ADGRG4: variants seen among roughly 807,000 people sequenced by gnomAD.
The protein encoded by ADGRG4 is adhesion G protein-coupled receptor G4.
A neutral mutation model predicts 126.2 loss-of-function variants in ADGRG4; 122 were observed. The ratio of observed to expected loss-of-function variants is 0.97; its 90% CI spans 0.83 to 1.12. The LOEUF (loss-of-function observed/expected upper bound fraction) is 1.12. Among genes scored for constraint, ADGRG4 ranks in the 50% most tolerant of loss-of-function variants. The pLI is 0.00. For synonymous variants in ADGRG4, 943 were observed against 838.7 expected, an observed-to-expected ratio of 1.12 and a Z score of -2.15; for missense variants, 2,481 against 2,251.8, an observed-to-expected ratio of 1.10 and a Z score of -2.06.
At position 136,338,501 on chromosome X, in the gene ADGRG4, G is replaced by A. The variant is rs57016973; in HGVS notation, c.686-5891G>A. Among the ~76,000 whole-genome samples the A allele has an allele frequency of 2.7e-3, 303 of 111,578 alleles. 1 individual carries two copies. Among genetic ancestry groups the A allele is most frequent in the African/African-American group, 9.6e-3 (295 of 30,729 alleles). On this transcript the variant is annotated intron_variant, in intron 5 of 25. Coordinates refer to ENST00000394143, the MANE Select transcript of ADGRG4 (RefSeq NM_153834.4). ...TTTTAAGTTCAGGATTTGCAGATTTGTTACCTAGGTAAATGTGTGCCATGG... is the reference window on the plus strand; with the variant it reads ...TTTTAAGTTCAGGATTTGCAGATTTATTACCTAGGTAAATGTGTGCCATGG...
intron 13 of ADGRG4, among the ~76,000 whole-genome samples, chrX:136,366,784 T>C (rs1405957824): frequency 1.8e-5 from 2 of 112,158 alleles, no homozygotes; most frequent in East Asian, 5.6e-4. Context: ...CTTAATGACA[T>C]ATGATGATGA....
At chrX:136,353,490 G>A (rs1208376115) in intron 8 of ADGRG4, 89 bp downstream of exon 8, 87 of 616,374 alleles carry the variant, frequency 1.4e-4, no homozygotes, top group Non-Finnish European at 1.6e-5. Flanking sequence ...CTATGTTTAT[G>A]TCTGAGATTT....
intron 15 of ADGRG4, among the ~76,000 whole-genome samples, chrX:136,378,379 G>A (rs1018378077): frequency 3.6e-5 from 4 of 111,233 alleles, no homozygotes; most frequent in Non-Finnish European, 7.6e-5. Flanking sequence ...ATTGCTTCTA[G>A]TAATTGTTTT....
intron 24 of ADGRG4, 111 bp downstream of exon 24, chrX:136,412,477 G>C: frequency 2.0e-6 from 1 of 507,460 alleles, no homozygotes; most frequent in Admixed American, 3.0e-5. Flanking sequence ...CAAAACACAG[G>C]CTGTTTCCAT....
intron 15 of ADGRG4, among the ~76,000 whole-genome samples, chrX:136,377,191 TG>T (rs1322610561): frequency 5.0e-4 from 32 of 64,228 alleles, no homozygotes; most frequent in African/African-American, 1.5e-3. Flanking sequence ...TTTTTTTTTT[TG>T]TTGTTGTTGT....
intron 25 of ADGRG4, among the ~76,000 whole-genome samples, chrX:136,415,350 G>A (rs1197416478): frequency 1.8e-5 from 2 of 111,885 alleles, no homozygotes; most frequent in Non-Finnish European, 3.8e-5. Flanking sequence ...TTCCAGCTCT[G>A]TCAGTCACTC....
chrX:136,373,693 G>T (rs912414872), intron 15 of ADGRG4, among the ~76,000 whole-genome samples: 2 of 111,584 alleles, frequency 1.8e-5, no homozygotes, highest in Non-Finnish European at 3.8e-5. Flanking sequence ...TTGGCCAGGT[G>T]CAGTGCCACA....
At chrX:136,380,753 C>A (rs1279082024) in intron 15 of ADGRG4, among the ~76,000 whole-genome samples, 1 of 106,254 alleles carries the variant, frequency 9.4e-6, no homozygotes, top group African/African-American at 3.4e-5. Flanking sequence ...TCTCTGTCAC[C>A]CAGGCTGGAG....
chrX:136,416,547 A>T lies in ADGRG4; in HGVS notation c.*56A>T, dbSNP rs1172243941. ...GAATATAATACCTGTGGAAATAAAA[A>T]TGAATTCCAAGTGTATACTTGCTCG... On this transcript the variant is annotated 3_prime_UTR_variant, in exon 26 of 26. Coordinates refer to ENST00000394143, the MANE Select transcript of ADGRG4 (RefSeq NM_153834.4). 5 of 976,430 alleles carry T rather than the reference A, an allele frequency of 5.1e-6. No homozygotes were observed. Among genetic ancestry groups the T allele is most frequent in the Non-Finnish European group, 7.2e-6 (5 of 691,994 alleles). The allele number at this position is 976,430 out of a possible 1,213,427, so 80.5% of individuals were successfully genotyped here.
chrX:136,381,027 T>G (rs1170550189), intron 15 of ADGRG4, among the ~76,000 whole-genome samples: 1 of 110,394 alleles, frequency 9.1e-6, no homozygotes, highest in Non-Finnish European at 1.9e-5. Flanking sequence ...CTGTCTAGCT[T>G]CTTAATGTGG....
Position 136,416,497 on chromosome X carries a change from G to A in ADGRG4, c.*6G>A, listed in dbSNP as rs1230735874. ...CTTACTGTTCCTCTCCTTGATTTGT[G>A]AAGTTGTGCCTAATTATGTAAAAAG... is the stretch of plus-strand genomic sequence containing the variant. On this transcript the variant is annotated 3_prime_UTR_variant, in exon 26 of 26. Coordinates refer to ENST00000394143, the MANE Select transcript of ADGRG4 (RefSeq NM_153834.4). 2 of 1,173,747 alleles carry A rather than the reference G, an allele frequency of 1.7e-6. No individual in the cohort carries two copies. Among genetic ancestry groups the A allele is most frequent in the Non-Finnish European group, 2.3e-6 (2 of 863,841 alleles).
rs757294755 is a variant in ADGRG4, at chrX:136,348,825, T to C, written c.5119T>C (p.Ser1707Pro). 8.3e-7 allele frequency: 1 copy of C among 1,209,408 alleles called. No individual in the cohort carries two copies. The highest frequency in any genetic ancestry group is 1.8e-5 in the South Asian group (1 of 56,880). ...ATTTCTATCAGCAACTCAACAGTCA[T>C]CACAAGCAGATGAGGCTACAACTTT... is the stretch of plus-strand genomic sequence containing the variant. ...SPFLSATQQS[S>P]QADEATTLGI... Residue 1707 changes from serine to proline, a missense_variant, in exon 6 of 26, where the codon TCA (serine) becomes CCA (proline). Coordinates refer to ENST00000394143, the MANE Select transcript of ADGRG4 (RefSeq NM_153834.4).
chrX:136,382,897 A>T (rs1480042471), intron 15 of ADGRG4, among the ~76,000 whole-genome samples: 1 of 109,858 alleles, frequency 9.1e-6, no homozygotes, highest in Non-Finnish European at 1.9e-5. Flanking sequence ...TGGAACTAAG[A>T]CCTCTAGGCC....
intron 22 of ADGRG4, among the ~76,000 whole-genome samples, chrX:136,404,591 G>C (rs759382691): frequency 2.7e-5 from 3 of 111,554 alleles, no homozygotes; most frequent in African/African-American, 9.8e-5. Context: ...TATTACCAAC[G>C]ATCAAATTTG....
At position 136,344,796 on chromosome X, in the gene ADGRG4, A is replaced by G. The variant is rs775240661; in HGVS notation, c.1090A>G (p.Ile364Val). ...TKMVEAMATEIFQPPTPSNFL... is the reference protein window; with the variant it reads ...TKMVEAMATEVFQPPTPSNFL... Reference sequence around the variant, plus strand: ...AATGGTTGAAGCCATGGCTACTGAAATCTTTCAACCACCTACACCTTCTAA... The same window carrying G: ...AATGGTTGAAGCCATGGCTACTGAAGTCTTTCAACCACCTACACCTTCTAA... The change falls in exon 6 of 26, where the codon ATC becomes GTC. Residue 364 changes from isoleucine to valine, a missense_variant. By Grantham distance (29) the Ile-to-Val change is conservative. Coordinates refer to ENST00000394143, the MANE Select transcript of ADGRG4 (RefSeq NM_153834.4). 7.5e-6 allele frequency: 9 copies of G among 1,206,779 alleles called. No individual in the cohort carries two copies. In the South Asian group the frequency reaches 1.6e-4, roughly 21 times the overall value.
Position 136,393,199 on chromosome X carries a change from C to G in ADGRG4, c.8035-336C>G, listed in dbSNP as rs141036553. 9.7e-3 allele frequency among the ~76,000 whole-genome samples: 1,079 copies of G among 111,800 alleles called. 4 individuals are homozygous for G. The highest frequency in any genetic ancestry group is 0.023 in the Middle Eastern group (5 of 218). Reference sequence around the variant, plus strand: ...GCGGTGAGCCCCGAATTCCAAAGCTCCAGAAGGAACACATCAGCCCTGCAT... The same window carrying G: ...GCGGTGAGCCCCGAATTCCAAAGCTGCAGAAGGAACACATCAGCCCTGCAT... On this transcript the variant is annotated intron_variant, in intron 17 of 25. Coordinates refer to ENST00000394143, the MANE Select transcript of ADGRG4 (RefSeq NM_153834.4).
Position 136,349,579 on chromosome X carries a change from C to T in ADGRG4, c.5873C>T (p.Ser1958Leu). The T allele has an allele frequency of 8.3e-7, 1 of 1,209,922 alleles. No individual in the cohort carries two copies. Among genetic ancestry groups the T allele is most frequent in the Non-Finnish European group, 1.1e-6 (1 of 894,395 alleles). ...NHGLSENPSLSTSLRAITSTL... is the reference protein window; with the variant it reads ...NHGLSENPSLLTSLRAITSTL... ...GGGCTTTCTGAGAACCCTTCATTAT[C>T]AACATCTTTAAGAGCTATCACTTCC... Residue 1958 changes from serine to leucine, a missense_variant, in exon 6 of 26, where the codon TCA becomes TTA. Transcript: ENST00000394143.
At chrX:136,359,551 A>G in intron 11 of ADGRG4, 96 bp downstream of exon 11, 1 of 675,905 alleles carries the variant, frequency 1.5e-6, no homozygotes, top group Non-Finnish European at 2.2e-6. Context: ...GAGTTCAGAA[A>G]GGAGAGAAGT....
chrX:136,339,277 A>G (rs929952125), intron 5 of ADGRG4, among the ~76,000 whole-genome samples: 2 of 111,427 alleles, frequency 1.8e-5, no homozygotes, highest in African/African-American at 6.5e-5. Context: ...GCCACTTGCT[A>G]TTACTGGCTC....
Sources: allele counts gnomAD v4.1 joint callset (sites outside exome capture counted in the v4.1 genomes callset), GRCh38; gene constraint gnomAD v4.1.1; transcripts MANE v1.5; gene names NCBI Gene and HGNC (gene_info 2026-07-23, HGNC 2026-07-21).